Variants in ARL10 observed in about 807,000 individuals in gnomAD.
ARL10 encodes ADP-ribosylation factor-like protein 10.
ARL10 carries 23 observed loss-of-function variants against 26.1 expected under a neutral mutation model. The observed-to-expected ratio is 0.88, with a 90% CI of 0.63 to 1.25. The LOEUF (loss-of-function observed/expected upper bound fraction) is 1.25. Ranked by LOEUF, ARL10 falls within the 50% of genes most tolerant of loss-of-function variation. The pLI, the probability that ARL10 is intolerant of heterozygous loss-of-function variation, is 0.00. For synonymous variants in ARL10, 138 were observed against 149.1 expected, an observed-to-expected ratio of 0.93 and a Z score of 0.54; for missense variants, 300 against 323.6, an observed-to-expected ratio of 0.93 and a Z score of 0.56.
In ARL10 at chr5:176,369,443, G is replaced by A. The variant is rs148920357; in HGVS notation, c.561+461G>A. Among the ~76,000 whole-genome samples, 198 of 152,216 alleles carry A rather than the reference G, an allele frequency of 1.3e-3. 1 individual carries two copies. Among genetic ancestry groups the A allele is most frequent in the African/African-American group, 4.5e-3 (188 of 41,552 alleles). ...AGGTGGAGTTTTGCCATGTTGGCCA[G>A]GCTGGTCTTGAACTCCTGACCTCAA... is the stretch of plus-strand genomic sequence containing the variant. On this transcript the variant is annotated intron_variant, in intron 3 of 3. Coordinates refer to ENST00000310389, the MANE Select transcript of ARL10 (RefSeq NM_173664.6).
intron 2 of ARL10, among the ~76,000 whole-genome samples, chr5:176,367,013 T>G (rs1768336472): frequency 6.9e-6 from 1 of 145,428 alleles, no homozygotes; most frequent in African/African-American, 2.6e-5. Flanking sequence ...TTTTTTTTTT[T>G]TTTTTTTTTT....
In ARL10 at chr5:176,366,598, CCCCA is replaced by C; in HGVS notation, c.385+18_385+21del. On this transcript the variant is annotated intron_variant, in intron 2 of 3. Coordinates refer to ENST00000310389, the MANE Select transcript of ARL10 (RefSeq NM_173664.6). ...TGCTAGAAAGTGAGCGGACACCCTA[CCCCA>C]TCTCCCCGTCTCCTCTACTGGACCA... is the stretch of plus-strand genomic sequence containing the variant. 9 of 1,612,552 alleles carry C rather than the reference CCCCA, an allele frequency of 5.6e-6. No individual in the cohort carries two copies. Among genetic ancestry groups the C allele is most frequent in the African/African-American group, 4.0e-5 (3 of 75,048 alleles).
chr5:176,403,447 T>A (rs1418587709), downstream of ARL10, among the ~76,000 whole-genome samples: 4 of 147,652 alleles, frequency 2.7e-5, no homozygotes, highest in African/African-American at 7.5e-5. Flanking sequence ...TTTTGGTGTT[T>A]TTTTGTTTTG....
At chr5:176,367,912 C>T (rs780805782) in intron 2 of ARL10, 7 of 531,132 alleles carry the variant, frequency 1.3e-5, no homozygotes, top group Admixed American at 5.8e-5. Context: ...TGGTGCAGGG[C>T]CCCTGCTTGC....
the ARL10 span, among the ~76,000 whole-genome samples, chr5:176,410,696 T>C: frequency 2.0e-5 from 3 of 151,412 alleles, 1 homozygote; most frequent in East Asian, 5.8e-4. Context: ...GCCTGGTGAG[T>C]AGGCTGAGCT....
chr5:176,401,985 C>T (rs192234883), downstream of ARL10: 5 of 321,626 alleles, frequency 1.6e-5, no homozygotes, highest in African/African-American at 8.7e-5. Flanking sequence ...AGTCTAAATC[C>T]GATTTATCAT....
downstream of ARL10, chr5:176,384,026 AC>A (rs1328202698): frequency 1.9e-6 from 3 of 1,540,388 alleles, no homozygotes; most frequent in Admixed American, 5.9e-5. Flanking sequence ...TTTTCCGTGA[AC>A]CCCCAGATGA....
At chr5:176,402,558 GTTTAT>G (rs60329426), downstream of ARL10, among the ~76,000 whole-genome samples, 7,896 of 152,174 alleles carry the variant, frequency 0.052, 662 homozygotes, top group African/African-American at 0.18. Flanking sequence ...TTGTTTACCT[GTTTAT>G]TTTCTGTGTC....
downstream of ARL10, chr5:176,385,380 C>T: frequency 8.3e-6 from 9 of 1,088,120 alleles, no homozygotes; most frequent in Non-Finnish European, 1.3e-5. Context: ...GCTTTCTGTG[C>T]TCTTTGAGCT....
downstream of ARL10, chr5:176,384,280 C>G: frequency 6.2e-7 from 1 of 1,614,228 alleles, no homozygotes; most frequent in East Asian, 2.2e-5. Flanking sequence ...GAAGTCTTGC[C>G]ACTCTGCTGG....
chr5:176,386,948 G>C, intron 1 of ARL10: 1 of 1,574,030 alleles, frequency 6.4e-7, no homozygotes. Flanking sequence ...AAGGATCTTT[G>C]ATGAGGGAAA....
intron 3 of ARL10, among the ~76,000 whole-genome samples, chr5:176,371,242 GCTCACA>G (rs1768523626): frequency 6.6e-6 from 1 of 152,192 alleles, no homozygotes. Flanking sequence ...AGGCGTGGTG[GCTCACA>G]CCTGTAGTCC....
At chr5:176,408,221 T>A in the ARL10 span, among the ~76,000 whole-genome samples, 1 of 148,510 alleles carries the variant, frequency 6.7e-6, no homozygotes, top group African/African-American at 2.5e-5. Context: ...TTACTAGGGT[T>A]TTCCTCTTTT....
chr5:176,409,988 ACTTGAC>A, the ARL10 span, among the ~76,000 whole-genome samples: 3 of 152,234 alleles, frequency 2.0e-5, no homozygotes, highest in African/African-American at 7.2e-5. Context: ...GCTGTGGGCC[ACTTGAC>A]CTCTCCCTCC....
chr5:176,382,798 T>C (rs1755584327), downstream of ARL10, among the ~76,000 whole-genome samples: 2 of 152,068 alleles, frequency 1.3e-5, no homozygotes. Context: ...GGGGTGGGGC[T>C]AGTGGTAGGG....
chr5:176,385,966 T>G (rs1241984242), downstream of ARL10: 4 of 152,562 alleles, frequency 2.6e-5, no homozygotes, highest in Non-Finnish European at 4.4e-5. Flanking sequence ...TATCCAGAGG[T>G]TAGGTCCTCA....
chr5:176,410,033 G>A, the ARL10 span, among the ~76,000 whole-genome samples: 3 of 152,178 alleles, frequency 2.0e-5, no homozygotes, highest in Non-Finnish European at 4.4e-5. Flanking sequence ...TGGGCAACCT[G>A]AGGCTACTGC....
downstream of ARL10, chr5:176,389,294 G>T: frequency 6.3e-7 from 1 of 1,592,228 alleles, no homozygotes; most frequent in South Asian, 1.1e-5. Context: ...TGCGGGGCCC[G>T]ACCTGCTGTT....
rs1220977231 is a variant in ARL10 at position 176,368,730 on chromosome 5, G to A, written c.386-77G>A. On this transcript the variant is annotated intron_variant, in intron 2 of 3. Transcript: ENST00000310389. The surrounding 1 kb of genome is among the most constrained non-coding windows in gnomAD (Gnocchi z 4.1). ...TGGGGGCTGTGGGCAGTGAGCGGGGGCCCGGGGTGGGGTGGGGGCTGTGGG... is the reference window on the plus strand; with the variant it reads ...TGGGGGCTGTGGGCAGTGAGCGGGGACCCGGGGTGGGGTGGGGGCTGTGGG... 4.2e-6 allele frequency: 6 copies of A among 1,433,140 alleles called. No individual in the cohort carries two copies. The highest frequency in any genetic ancestry group is 3.2e-5 in the African/African-American group (2 of 61,976). The allele number at this position is 1,433,140 out of a possible 1,614,324, so 88.8% of individuals were successfully genotyped here. A position where few individuals can be genotyped will look rare whatever the true frequency, so the allele number is the denominator to read the frequency against.
Sources: gnomAD v4.1 joint callset for allele counts (sites outside exome capture counted in the v4.1 genomes callset) on GRCh38, gnomAD v4.1.1 for gene constraint, Gnocchi (gnomAD v3.1) non-coding constraint, MANE v1.5 for transcripts, NCBI Gene and HGNC (gene_info 2026-07-23, HGNC 2026-07-21) for gene names.